HMCN2: variants seen among roughly 807,000 people sequenced by gnomAD.
HMCN2 encodes the protein hemicentin 2.
HMCN2 carries 325 observed loss-of-function variants against 377.5 expected under a neutral mutation model. The observed-to-expected ratio is 0.86, with a 90% confidence interval of 0.79 to 0.94. The LOEUF (loss-of-function observed/expected upper bound fraction) is 0.94, where lower values mean the gene tolerates loss of function less well. HMCN2 is among the 40% of genes least tolerant of loss of function. The pLI is 0.00. For synonymous variants in HMCN2, 2,007 were observed against 2,046.8 expected (o/e 0.98, Z 0.53); for missense variants, 4,543 against 4,725.3 (o/e 0.96, Z 1.13).
chr9:130,415,765 C>T (rs1029648672), intron 85 of HMCN2, among the ~76,000 whole-genome samples: 1 of 152,234 alleles, frequency 6.6e-6, no homozygotes, highest in African/African-American at 2.4e-5. Context: ...GCCAATCCAG[C>T]CTGTCCGTGG....
chr9:130,385,616 G>A lies in HMCN2; in HGVS notation c.9163G>A (p.Val3055Ile), dbSNP rs1442474369. Residue 3055 changes from valine (V) to isoleucine (I), a missense_variant, in exon 60 of 98, where the codon GTC (valine) becomes ATC (isoleucine). Coordinates refer to ENST00000683500, the MANE Select transcript of HMCN2 (RefSeq NM_001291815.2). Reference sequence around the variant, plus strand: ...TCCCCAGGATGCGGTCCTGGTGAGGGTCGGGGACAAAGCTGTCCTGAGCTG... The same window carrying A: ...TCCCCAGGATGCGGTCCTGGTGAGGATCGGGGACAAAGCTGTCCTGAGCTG... ...RGPQDAVLVRVGDKAVLSCET... is the reference protein window; with the variant it reads ...RGPQDAVLVRIGDKAVLSCET... 1 of 1,304,052 alleles carries A rather than the reference G, an allele frequency of 7.7e-7. No individual in the cohort carries two copies. Among genetic ancestry groups the A allele is most frequent in the Non-Finnish European group, 1.0e-6 (1 of 988,916 alleles). The allele number at this position is 1,304,052 out of a possible 1,614,324, so 80.8% of individuals were successfully genotyped here.
chr9:130,288,305 C>T (rs1835536871), intron 4 of HMCN2, among the ~76,000 whole-genome samples: 1 of 152,252 alleles, frequency 6.6e-6, no homozygotes, highest in Non-Finnish European at 1.5e-5. Flanking sequence ...TCTGGCCGGG[C>T]AGCATGTGTC....
chr9:130,333,432 C>T (rs1053758438), intron 22 of HMCN2, among the ~76,000 whole-genome samples: 2 of 152,210 alleles, frequency 1.3e-5, no homozygotes, highest in African/African-American at 4.8e-5. Flanking sequence ...CCTCTGCCCC[C>T]TGGGCCCCTC....
At chr9:130,406,382 C>A in intron 82 of HMCN2, 1 of 358,720 alleles carries the variant, frequency 2.8e-6, no homozygotes, top group Non-Finnish European at 5.5e-6. Context: ...TGGCAAGAGG[C>A]CACCTGAGAA....
chr9:130,392,941 A>G (rs1842410525), intron 66 of HMCN2, among the ~76,000 whole-genome samples: 1 of 151,792 alleles, frequency 6.6e-6, no homozygotes. Context: ...GCTTGCAGTG[A>G]GCCGAGATCG....
Position 130,393,243 on chromosome 9 carries a change from A to T in HMCN2, c.10168A>T (p.Ile3390Phe), listed in dbSNP as rs1031858268. The T allele has an allele frequency of 1.0e-6, 1 of 988,364 alleles. No individual in the cohort carries two copies. Among genetic ancestry groups the T allele is most frequent in the Non-Finnish European group, 1.2e-6 (1 of 830,372 alleles). The allele number at this position is 988,364 out of a possible 1,614,324, so 61.2% of individuals were successfully genotyped here. The change falls in exon 67 of 98, where the codon ATC becomes TTC. Residue 3390 changes from isoleucine to phenylalanine, a missense_variant. Coordinates refer to ENST00000683500, the MANE Select transcript of HMCN2 (RefSeq NM_001291815.2). The surrounding 1 kb of genome is among the most constrained non-coding windows in gnomAD (Gnocchi z 5.2). ...CAAGGTGCAATTGGCAGACGCTGGCATCTTCACCTGTGTGGCCGCAAGCCC... is the reference window on the plus strand; with the variant it reads ...CAAGGTGCAATTGGCAGACGCTGGCTTCTTCACCTGTGTGGCCGCAAGCCC... ...ISKVQLADAG[I>F]FTCVAASPAG...
intron 8 of HMCN2, among the ~76,000 whole-genome samples, chr9:130,302,567 C>T (rs1421825743): frequency 6.6e-6 from 1 of 152,082 alleles, no homozygotes; most frequent in Non-Finnish European, 1.5e-5. Flanking sequence ...ACCACAAAAG[C>T]CCCAGGAGCT....
rs1564809131 is a variant in HMCN2, at chr9:130,354,884, CG to C, written c.4987del (p.Glu1663ArgfsTer20). ...CGTCCCCCACCCTCTCCTGGCACCA[CG>C]AGGGGCTGCCCGTGGCAGAGAGCAA... ...HPSPTLSWHH[E>X]GLPVAESNES... On this transcript the variant is annotated frameshift_variant, in exon 32 of 98. Coordinates refer to ENST00000683500, the MANE Select transcript of HMCN2 (RefSeq NM_001291815.2). LOFTEE classifies it high-confidence loss of function. The C allele has an allele frequency of 7.7e-7, 1 of 1,304,302 alleles. No homozygotes were observed. The highest frequency in any genetic ancestry group is 1.0e-6 in the Non-Finnish European group (1 of 988,950). The allele number at this position is 1,304,302 out of a possible 1,614,324, so 80.8% of individuals were successfully genotyped here. A position where few individuals can be genotyped will look rare whatever the true frequency, so the allele number is the denominator to read the frequency against.
chr9:130,341,051 G>T (rs1433959274), intron 23 of HMCN2, 60 bp from the exon 24 acceptor site: 1 of 152,252 alleles, frequency 6.6e-6, no homozygotes, highest in Non-Finnish European at 1.5e-5. Flanking sequence ...CTTGGGCCTG[G>T]GTTCTGGGAC....
chr9:130,365,403 G>A (rs181537717), intron 41 of HMCN2, among the ~76,000 whole-genome samples: 6 of 152,230 alleles, frequency 3.9e-5, no homozygotes, highest in Non-Finnish European at 8.8e-5. Context: ...AGTTTGGGAG[G>A]CTGGCAGGAC....
At chr9:130,288,987 C>T (rs1413756047) in intron 4 of HMCN2, among the ~76,000 whole-genome samples, 4 of 152,224 alleles carry the variant, frequency 2.6e-5, no homozygotes, top group Non-Finnish European at 4.4e-5. Flanking sequence ...GTCCAAGCAC[C>T]TGCTGTGCCA....
intron 65 of HMCN2, 33 bp downstream of exon 65, chr9:130,391,607 C>T (rs1564846540): frequency 4.1e-6 from 4 of 986,074 alleles, no homozygotes; most frequent in African/African-American, 1.7e-5. Context: ...GAGGGTGATG[C>T]GTGGGCCTGG....
chr9:130,319,364 C>A (rs1174010044), intron 15 of HMCN2, 131 bp from the exon 16 acceptor site: 2 of 152,310 alleles, frequency 1.3e-5, no homozygotes, highest in Non-Finnish European at 2.9e-5. Context: ...ACCCTGGAGC[C>A]CTGGACAGGA....
intron 57 of HMCN2, among the ~76,000 whole-genome samples, chr9:130,384,155 C>T (rs112179623): frequency 0.024 from 3,581 of 152,292 alleles, 141 homozygotes; most frequent in African/African-American, 0.082. Flanking sequence ...CACTGACCAG[C>T]TGTGTGGCCT....
chr9:130,358,129 A>C, intron 35 of HMCN2, 141 bp downstream of exon 35: 3 of 754,350 alleles, frequency 4.0e-6, no homozygotes, highest in Non-Finnish European at 5.6e-6. Flanking sequence ...TGAAAGGGTG[A>C]GCCTCAGCCT....
chr9:130,368,298 G>C lies in HMCN2; in HGVS notation c.6648G>C (p.Gly2216=). The C allele has an allele frequency of 1.0e-6, 1 of 985,722 alleles. No individual in the cohort carries two copies. Among genetic ancestry groups the C allele is most frequent in the Non-Finnish European group, 1.2e-6 (1 of 829,926 alleles). The allele number at this position is 985,722 out of a possible 1,614,324, so 61.1% of individuals were successfully genotyped here. A position where few individuals can be genotyped will look rare whatever the true frequency, so the allele number is the denominator to read the frequency against. Reference sequence around the variant, plus strand: ...CAGGTCAACCCCTCCCCGGGGAGGGGGCTGGCCTCCAGCACGTGTCGGCTG... The same window carrying C: ...CAGGTCAACCCCTCCCCGGGGAGGGCGCTGGCCTCCAGCACGTGTCGGCTG... ...RKDGQPLPGE[G]AGLQHVSAVG... is the part of the protein sequence containing the mutation. The change falls in exon 44 of 98, where the codon GGG becomes GGC. Residue 2216 remains glycine, a synonymous_variant. Coordinates refer to ENST00000683500, the MANE Select transcript of HMCN2 (RefSeq NM_001291815.2).
rs1368250512 is a variant in HMCN2 at position 130,299,077 on chromosome 9, C to A, written c.1065C>A (p.Arg355=). The A allele has an allele frequency of 2.1e-6, 1 of 471,006 alleles. No individual in the cohort carries two copies. Among genetic ancestry groups the A allele is most frequent in the African/African-American group, 2.0e-5 (1 of 50,056 alleles). The allele number at this position is 471,006 out of a possible 1,614,324, so 29.2% of individuals were successfully genotyped here. ...INSTGLKAPG[R]LDSVELAQSS... ...CCACGGGCCTGAAGGCACCCGGCCGCCTAGACTCGGTGGAGCTGGCACAAA... is the reference window on the plus strand; with the variant it reads ...CCACGGGCCTGAAGGCACCCGGCCGACTAGACTCGGTGGAGCTGGCACAAA... The change falls in exon 8 of 98, where the codon CGC becomes CGA. Residue 355 remains arginine (R), a synonymous_variant. Transcript: ENST00000683500.
chr9:130,396,363 G>T, intron 73 of HMCN2, 50 bp downstream of exon 73: 1 of 1,231,882 alleles, frequency 8.1e-7, no homozygotes, highest in Non-Finnish European at 1.0e-6. Context: ...GTGCCACTTT[G>T]TGGGTTGCAA....
chr9:130,408,743 A>G lies in HMCN2; in HGVS notation c.12689A>G (p.Glu4230Gly), dbSNP rs1369434682. ...ACTTGCTCGATGTCACCCCATGCAG[A>G]GGCTCCTGTCCTACAAGGGGAGGCT... Reference protein sequence around the residue: ...TQAVSFVHVKEAPVLQGEAFS... With the variant: ...TQAVSFVHVKGAPVLQGEAFS... Residue 4230 changes from glutamate (E) to glycine (G), a missense_variant and splice_region_variant, in exon 84 of 98, where the codon GAG (glutamate) becomes GGG (glycine). By Grantham distance (98) the Glu-to-Gly change is moderately conservative. Coordinates refer to ENST00000683500, the MANE Select transcript of HMCN2 (RefSeq NM_001291815.2). 14 of 1,287,186 alleles carry G rather than the reference A, an allele frequency of 1.1e-5. No homozygotes were observed. Among genetic ancestry groups the G allele is most frequent in the South Asian group, 1.2e-5 (1 of 80,846 alleles). 79.7% of individuals were successfully genotyped at this position (1,287,186 alleles called of 1,614,324 possible).
Sources: allele counts gnomAD v4.1 joint callset (sites outside exome capture counted in the v4.1 genomes callset), GRCh38; gene constraint gnomAD v4.1.1; non-coding constraint Gnocchi (gnomAD v3.1); transcripts MANE v1.5; gene names NCBI Gene and HGNC (gene_info 2026-07-23, HGNC 2026-07-21).